The following LCT variants were observed in gnomAD, a reference collection of about 807,000 sequenced individuals.
LCT encodes lactase.
LCT carries 90 observed loss-of-function variants against 173.0 expected under a neutral mutation model. That is an observed-to-expected ratio of 0.52 (90% CI 0.44 to 0.62). LCT has a LOEUF of 0.62. Among genes scored for constraint, LCT ranks in the 20% least tolerant of loss-of-function variants. The pLI is 0.00. For synonymous variants in LCT, 853 were observed against 957.6 expected (o/e 0.89, Z 2.02); for missense variants, 1,864 against 2,431.4 (o/e 0.77, Z 4.91).
intron 6 of LCT, among the ~76,000 whole-genome samples, chr2:135,814,018 T>C (rs2077757534): frequency 6.6e-6 from 1 of 152,226 alleles, no homozygotes; most frequent in South Asian, 2.1e-4. Context: ...TTCAGCTTAC[T>C]TGTTGGCAAG....
chr2:135,810,755 G>T (rs956611499), intron 7 of LCT, among the ~76,000 whole-genome samples: 2 of 150,890 alleles, frequency 1.3e-5, no homozygotes, highest in African/African-American at 2.4e-5. Context: ...GGCCAGGCGT[G>T]GTGGCTCACG....
chr2:135,812,673 G>A lies in LCT; in HGVS notation c.1991C>T (p.Pro664Leu), dbSNP rs1207710295. 3.1e-6 allele frequency: 5 copies of A among 1,613,432 alleles called. No individual in the cohort carries two copies. The East Asian group carries it at 1.1e-4, about 36-fold the overall frequency. The change falls in exon 7 of 17, where the codon CCC becomes CTC. Residue 664 changes from proline (P) to leucine (L), a missense_variant. Transcript: ENST00000264162. Reference protein sequence around the residue: ...RQCSHPVAQLPEFTEAEKQLL... With the variant: ...RQCSHPVAQLLEFTEAEKQLL... Reference sequence around the variant, plus strand: ...CTGCTTCTCTGCCTCTGTGAACTCGGGGAGTTGAGCCACAGGATGGGAGCA... The same window carrying A: ...CTGCTTCTCTGCCTCTGTGAACTCGAGGAGTTGAGCCACAGGATGGGAGCA...
At position 135,800,829 on chromosome 2, in the gene LCT, T is replaced by A. The variant is rs1219870009; in HGVS notation, c.4664-20A>T. The A allele has an allele frequency of 1.3e-6, 2 of 1,574,644 alleles. No individual in the cohort carries two copies. The highest frequency in any genetic ancestry group is 8.7e-7 in the Non-Finnish European group (1 of 1,144,296). On this transcript the variant is annotated intron_variant, in intron 11 of 16. Transcript: ENST00000264162. ...AGACTCCTGGAAACATACACATGGATGTCAACAGAGAATGGATAGAATGGA... is the reference window on the plus strand; with the variant it reads ...AGACTCCTGGAAACATACACATGGAAGTCAACAGAGAATGGATAGAATGGA...
At chr2:135,825,809 G>C (rs1268323936) in intron 3 of LCT, among the ~76,000 whole-genome samples, 1 of 152,206 alleles carries the variant, frequency 6.6e-6, no homozygotes, top group African/African-American at 2.4e-5. Flanking sequence ...TCCCTGCCCT[G>C]CTTTCGCCCT....
In LCT at chr2:135,808,935, T is replaced by C; in HGVS notation, c.3412A>G (p.Arg1138Gly). The C allele has an allele frequency of 6.2e-7, 1 of 1,614,158 alleles. No individual in the cohort carries two copies. The highest frequency in any genetic ancestry group is 8.5e-7 in the Non-Finnish European group (1 of 1,179,990). The change falls in exon 8 of 17, where the codon AGA (arginine) becomes GGA (glycine). Residue 1138 changes from arginine (R) to glycine (G), a missense_variant. Around this residue, in one of 4 missense-constraint regions of LCT, gnomAD observed 755 missense variants for 926.3 expected, o/e 0.82. Transcript: ENST00000264162. The part of the protein sequence containing the change: ...WAEPKSPGVP[R>G]DVEAADRMLQ... Reference sequence around the variant, plus strand: ...ATTCGGTCAGCGGCTTCCACATCTCTGGGGACCCCTGGTGACTTGGGCTCT... The same window carrying C: ...ATTCGGTCAGCGGCTTCCACATCTCCGGGGACCCCTGGTGACTTGGGCTCT...
In LCT at chr2:135,808,820, C is replaced by T. The variant is rs1238889927; in HGVS notation, c.3527G>A (p.Ser1176Asn). The change falls in exon 8 of 17, where the codon AGT becomes AAT. Residue 1176 changes from serine to asparagine, a missense_variant. Physicochemically the swap from Ser to Asn is conservative, Grantham distance 46. This residue lies in a region of LCT where 755 missense variants were observed against 926.3 expected (regional missense o/e 0.82). Coordinates refer to ENST00000264162, the MANE Select transcript of LCT (RefSeq NM_002299.4). ...DTMKWKVGNRSELQHLATSRL... is the reference protein window; with the variant it reads ...DTMKWKVGNRNELQHLATSRL... The stretch of plus-strand genomic sequence containing the variant: ...GGAGGTGGCTAAGTGCTGCAGTTCA[C>T]TCCTGTTCCCCACTTTCCACTTCAT... 6.2e-7 allele frequency: 1 copy of T among 1,614,140 alleles called. No individual in the cohort carries two copies. Among genetic ancestry groups the T allele is most frequent in the Non-Finnish European group, 8.5e-7 (1 of 1,180,002 alleles).
Position 135,807,882 on chromosome 2 carries a change from C to T in LCT, c.3905-486G>A, listed in dbSNP as rs1389623203. Among the ~76,000 whole-genome samples the T allele has an allele frequency of 2.0e-5, 3 of 151,506 alleles. No homozygotes were observed. In the East Asian group the frequency reaches 5.8e-4, roughly 29 times the overall value. On this transcript the variant is annotated intron_variant, in intron 8 of 16. Coordinates refer to ENST00000264162, the MANE Select transcript of LCT (RefSeq NM_002299.4). Reference sequence around the variant, plus strand: ...GTGGCTCATGCCTGTAATCCTAACACTTTGGGAGGCAAAGGCAGGTGGATC... The same window carrying T: ...GTGGCTCATGCCTGTAATCCTAACATTTTGGGAGGCAAAGGCAGGTGGATC...
At chr2:135,802,165 T>C (rs2077632982) in intron 11 of LCT, among the ~76,000 whole-genome samples, 1 of 152,196 alleles carries the variant, frequency 6.6e-6, no homozygotes, top group Non-Finnish European at 1.5e-5. Flanking sequence ...ATGCCTCTGA[T>C]AACGATTTGA....
At chr2:135,789,211 G>T (rs1281440024) in intron 16 of LCT, among the ~76,000 whole-genome samples, 1 of 152,226 alleles carries the variant, frequency 6.6e-6, no homozygotes, top group Non-Finnish European at 1.5e-5. Context: ...GCACCCACAT[G>T]GTGCAGGCAT....
intron 5 of LCT, among the ~76,000 whole-genome samples, chr2:135,819,822 G>A (rs2077813029): frequency 6.6e-6 from 1 of 152,162 alleles, no homozygotes; most frequent in Admixed American, 6.5e-5. Flanking sequence ...TCCGAACCTC[G>A]CTCTTACCCA....
At position 135,809,777 on chromosome 2, in the gene LCT, G is replaced by A. The variant is rs779785612; in HGVS notation, c.2570C>T (p.Pro857Leu). 9 of 1,614,108 alleles carry A rather than the reference G, an allele frequency of 5.6e-6. No individual in the cohort carries two copies. The highest frequency in any genetic ancestry group is 7.6e-6 in the Non-Finnish European group (9 of 1,179,978). The change falls in exon 8 of 17, where the codon CCA becomes CTA. Residue 857 changes from proline to leucine, a missense_variant. Physicochemically the swap from Pro to Leu is moderately conservative, Grantham distance 98. Around this residue, in one of 4 missense-constraint regions of LCT, gnomAD observed 755 missense variants for 926.3 expected, o/e 0.82. Transcript: ENST00000264162. The surrounding 1 kb of genome is among the most constrained non-coding windows in gnomAD (Gnocchi z 5.5). Reference protein sequence around the residue: ...FLTKGAKRLLPPNTVNLPSKV... With the variant: ...FLTKGAKRLLLPNTVNLPSKV... ...GGAGGGGAGGTTTACTGTATTAGGT[G>A]GTAGCAGTCTTTTTGCCCCCTTGGT...
At chr2:135,816,150 C>T (rs2077779890) in intron 6 of LCT, among the ~76,000 whole-genome samples, 1 of 152,200 alleles carries the variant, frequency 6.6e-6, no homozygotes, top group South Asian at 2.1e-4. Flanking sequence ...GACCTATAGC[C>T]ATTTAAAATT....
At chr2:135,826,522 T>C (rs2077890569) in intron 3 of LCT, among the ~76,000 whole-genome samples, 1 of 151,662 alleles carries the variant, frequency 6.6e-6, no homozygotes, top group Admixed American at 6.6e-5. Flanking sequence ...GCCGAGATCA[T>C]GCCACGGGGC....
rs537960268 is a variant in LCT, at chr2:135,790,684, C to T, written c.5309G>A (p.Arg1770Gln). 3.2e-5 allele frequency: 52 copies of T among 1,612,408 alleles called. No individual in the cohort carries two copies. The South Asian group carries it at 4.1e-4, about 13-fold the overall frequency. The change falls in exon 15 of 17, where the codon CGG (arginine) becomes CAG (glutamine). Residue 1770 changes from arginine (R) to glutamine (Q), a missense_variant. By Grantham distance (43) the Arg-to-Gln change is conservative (BLOSUM62 1). Transcript: ENST00000264162. The surrounding 1 kb of genome is among the most constrained non-coding windows in gnomAD (Gnocchi z 4.1). ...TTTGAGGGCCTCATTGATGTAAGTC[C>T]GAAGGTAGTAGATCCTTGCAGTGTC... The part of the protein sequence containing the change: ...LNDTARIYYL[R>Q]TYINEALKAV...
intron 14 of LCT, chr2:135,794,431 T>C (rs2105520180): frequency 1.6e-6 from 1 of 611,044 alleles, no homozygotes. Context: ...TGTGCCCTAA[T>C]GGGAGGTGCC....
intron 6 of LCT, among the ~76,000 whole-genome samples, chr2:135,815,781 C>A (rs936657213): frequency 1.3e-5 from 2 of 152,114 alleles, no homozygotes; most frequent in African/African-American, 2.4e-5. Flanking sequence ...CTCACTACAA[C>A]CTCCGCCTCC....
intron 6 of LCT, among the ~76,000 whole-genome samples, chr2:135,813,948 C>G (rs2077756847): frequency 1.3e-5 from 2 of 152,158 alleles, no homozygotes; most frequent in Non-Finnish European, 2.9e-5. Flanking sequence ...TATAACAAGC[C>G]TAGATTTAAA....
intron 2 of LCT, among the ~76,000 whole-genome samples, chr2:135,832,312 G>C (rs1435644954): frequency 6.6e-6 from 1 of 151,562 alleles, no homozygotes; most frequent in Non-Finnish European, 1.5e-5. Flanking sequence ...ACTTTGGGAG[G>C]CTGAGGTGGG....
intron 16 of LCT, among the ~76,000 whole-genome samples, chr2:135,788,881 A>G (rs1285137901): frequency 6.6e-6 from 1 of 152,222 alleles, no homozygotes; most frequent in East Asian, 1.9e-4. Flanking sequence ...GATGGGACCC[A>G]GGTCTAAATA....
Sources: allele counts gnomAD v4.1 joint callset (sites outside exome capture counted in the v4.1 genomes callset), GRCh38; gene constraint gnomAD v4.1.1; regional missense constraint gnomAD v4.1.1; non-coding constraint Gnocchi (gnomAD v3.1); transcripts MANE v1.5; gene names NCBI Gene and HGNC (gene_info 2026-07-23, HGNC 2026-07-21).